Variants in SOX6 observed in about 807,000 individuals in gnomAD.
SOX6 encodes SRY-box transcription factor 6.
A neutral mutation model predicts 97.8 loss-of-function variants in SOX6; 11 were observed. The ratio of observed to expected loss-of-function variants is 0.11; its 90% confidence interval spans 0.07 to 0.19. SOX6 has a LOEUF of 0.19. SOX6 is among the 10% of genes least tolerant of loss of function. The pLI, the probability that SOX6 is intolerant of heterozygous loss-of-function variation, is 1.00. For synonymous variants in SOX6, 360 were observed against 371.4 expected (o/e 0.97, Z 0.35); for missense variants, 810 against 1,039.5 (o/e 0.78, Z 3.04).
chr11:16,638,282 C>A (rs1021469643), intron 3 of SOX6, among the ~76,000 whole-genome samples: 2 of 152,106 alleles, frequency 1.3e-5, no homozygotes, highest in Admixed American at 6.5e-5. Context: ...ATATGTGCCA[C>A]ATTTTCTTAA....
At chr11:16,049,724 G>A (rs749934544) in intron 11 of SOX6, 31 bp downstream of exon 11, 12 of 1,611,984 alleles carry the variant, frequency 7.4e-6, no homozygotes, top group African/African-American at 1.3e-5. Context: ...TAATTCGTAA[G>A]TCTCTTCCTG....
intron 3 of SOX6, among the ~76,000 whole-genome samples, chr11:16,251,570 A>G (rs187498811): frequency 1.3e-5 from 2 of 152,258 alleles, no homozygotes; most frequent in East Asian, 3.9e-4. Flanking sequence ...AAATAGTGCT[A>G]TATAAAGATA....
At chr11:16,682,074 T>G (rs148780330) in intron 3 of SOX6, among the ~76,000 whole-genome samples, 1 of 152,090 alleles carries the variant, frequency 6.6e-6, no homozygotes, top group African/African-American at 2.4e-5. Context: ...ACTATTCCAA[T>G]CAATAGAAAA....
intron 1 of SOX6, among the ~76,000 whole-genome samples, chr11:16,380,150 C>A (rs1037045183): frequency 4.0e-5 from 6 of 151,410 alleles, no homozygotes; most frequent in African/African-American, 1.5e-4. Flanking sequence ...TAAATTTCTT[C>A]TATATAATAT....
chr11:16,243,190 C>CACTG (rs1204729161), intron 3 of SOX6, among the ~76,000 whole-genome samples: 42 of 152,146 alleles, frequency 2.8e-4, no homozygotes, highest in African/African-American at 9.1e-4. Context: ...ATCTGTCAGG[C>CACTG]ACTGTATTTT....
chr11:16,515,471 CG>C (rs1860955513), intron 4 of SOX6, among the ~76,000 whole-genome samples: 1 of 127,776 alleles, frequency 7.8e-6, no homozygotes, highest in African/African-American at 2.9e-5. Flanking sequence ...GAGTAGGTTG[CG>C]AAAATTTTCT....
intron 6 of SOX6, among the ~76,000 whole-genome samples, chr11:16,157,987 T>C (rs1850646549): frequency 1.3e-5 from 2 of 152,042 alleles, no homozygotes; most frequent in Non-Finnish European, 2.9e-5. Context: ...ATATCTACCA[T>C]AACACTTAGC....
At position 16,369,399 on chromosome 11, in the gene SOX6, T is replaced by C. The variant is rs150148324; in HGVS notation, c.-4-28147A>G. On this transcript the variant is annotated intron_variant, in intron 1 of 15. Coordinates refer to the SOX6 transcript ENST00000396356. Reference sequence around the variant, plus strand: ...GCATTCATAAACTCCTAACATACTATATAATATACTTACTTGTTATGCTTA... The same window carrying C: ...GCATTCATAAACTCCTAACATACTACATAATATACTTACTTGTTATGCTTA... 5.9e-5 allele frequency among the ~76,000 whole-genome samples: 9 copies of C among 152,278 alleles called. 1 individual carries two copies. The highest frequency in any genetic ancestry group is 1.9e-4 in the African/African-American group (8 of 41,578).
intron 7 of SOX6, among the ~76,000 whole-genome samples, chr11:16,103,922 T>C (rs762480903): frequency 6.6e-5 from 10 of 152,034 alleles, no homozygotes; most frequent in Non-Finnish European, 1.0e-4. Context: ...GGGTACAGTG[T>C]ACACTGCTTG....
At chr11:16,491,666 A>G (rs1860512245) in intron 4 of SOX6, among the ~76,000 whole-genome samples, 1 of 152,210 alleles carries the variant, frequency 6.6e-6, no homozygotes, top group South Asian at 2.1e-4. Flanking sequence ...CTATAAAGCA[A>G]CAGTAATTAA....
intron 4 of SOX6, among the ~76,000 whole-genome samples, chr11:16,522,033 G>A (rs1248828543): frequency 6.6e-6 from 1 of 152,170 alleles, no homozygotes; most frequent in East Asian, 1.9e-4. Context: ...CAGGAAGAAT[G>A]GAACCAAGTT....
At chr11:16,279,991 T>A (rs1854505754) in intron 3 of SOX6, among the ~76,000 whole-genome samples, 1 of 152,080 alleles carries the variant, frequency 6.6e-6, no homozygotes, top group African/African-American at 2.4e-5. Context: ...ACCCAAAGCT[T>A]CAGTCCACAC....
intron 4 of SOX6, among the ~76,000 whole-genome samples, chr11:16,603,702 T>C (rs980187844): frequency 1.3e-5 from 2 of 152,118 alleles, no homozygotes; most frequent in African/African-American, 4.8e-5. Context: ...TGTTGCCAGA[T>C]TTTCTCTGCA....
At chr11:16,586,544 C>CTAAAAA (rs1477211404) in intron 4 of SOX6, among the ~76,000 whole-genome samples, 2 of 152,000 alleles carry the variant, frequency 1.3e-5, no homozygotes, top group African/African-American at 4.8e-5. Flanking sequence ...TCCCCTGTCT[C>CTAAAAA]TAAAAATAAA....
intron 6 of SOX6, among the ~76,000 whole-genome samples, chr11:16,148,990 T>G (rs1271467431): frequency 6.6e-6 from 1 of 152,214 alleles, no homozygotes; most frequent in East Asian, 1.9e-4. Context: ...GTCTCCACGT[T>G]GTTTCTTCTT....
chr11:16,731,590 G>T (rs1483731143), intron 2 of SOX6, among the ~76,000 whole-genome samples: 1 of 152,106 alleles, frequency 6.6e-6, no homozygotes, highest in Non-Finnish European at 1.5e-5. Context: ...TTGATGGAAT[G>T]TATCTCAAAA....
chr11:16,252,682 GA>G (rs1418817090), intron 3 of SOX6: 1 of 152,102 alleles, frequency 6.6e-6, no homozygotes, highest in Admixed American at 6.6e-5. Context: ...CAGGAAAAAC[GA>G]TTTTTCCAGA....
At position 16,139,951 on chromosome 11, in the gene SOX6, T is replaced by TTTTA. The variant is rs1554935182; in HGVS notation, c.778-28029_778-28028insTAAA. On this transcript the variant is annotated intron_variant, in intron 6 of 15. Coordinates refer to ENST00000683767, the MANE Select transcript of SOX6 (RefSeq NM_001367873.1). ...AAAAGTAAAAAACCTGGCTCATATA[T>TTTTA]TATATATATATATATATATATACAT... 7.0e-3 allele frequency among the ~76,000 whole-genome samples: 872 copies of TTTTA among 124,696 alleles called. 16 individuals are homozygous for TTTTA. The East Asian group carries it at 0.11, about 16-fold the overall frequency. The allele number at this position is 124,696 out of a possible 152,430, so 81.8% of individuals were successfully genotyped here. A position where few individuals can be genotyped will look rare whatever the true frequency, so the allele number is the denominator to read the frequency against.
intron 1 of SOX6, among the ~76,000 whole-genome samples, chr11:16,737,332 G>C (rs1188494869): frequency 2.0e-5 from 3 of 151,920 alleles, no homozygotes. Flanking sequence ...TCAGCCTCCC[G>C]AGTAGCTGGG....
Sources: gnomAD v4.1 joint callset for allele counts (sites outside exome capture counted in the v4.1 genomes callset) on GRCh38, gnomAD v4.1.1 for gene constraint, MANE v1.5 for transcripts, NCBI Gene and HGNC (gene_info 2026-07-23, HGNC 2026-07-21) for gene names.